The following ZNF318 variants were observed in gnomAD, a reference collection of about 807,000 sequenced individuals.
The protein encoded by ZNF318 is endocrine regulator.
ZNF318 carries 51 observed loss-of-function variants against 124.2 expected under a neutral mutation model. The observed-to-expected ratio is 0.41, with a 90% CI of 0.33 to 0.52. ZNF318 has a LOEUF of 0.52. Ranked by LOEUF, ZNF318 falls within the 20% of genes least tolerant of loss-of-function variation. The pLI is 0.23. For missense variants in ZNF318, 2,815 were observed against 2,811.2 expected (o/e 1.00, Z -0.03); for synonymous variants, 1,090 against 1,040.7 (o/e 1.05, Z -0.91).
chr6:43,369,491 A>T lies in ZNF318; in HGVS notation c.-126T>A, dbSNP rs1385490057. The T allele has an allele frequency of 2.7e-6, 2 of 744,576 alleles. No individual in the cohort carries two copies. The highest frequency in any genetic ancestry group is 3.4e-6 in the Non-Finnish European group (2 of 592,486). The allele number at this position is 744,576 out of a possible 1,614,324, so 46.1% of individuals were successfully genotyped here. A position where few individuals can be genotyped will look rare whatever the true frequency, so the allele number is the denominator to read the frequency against. ...CGCTGCGCGCCGCCTCAGCCGCGGG[A>T]GCAGCCCCCTCCCCTCGGCCCCGCG... On this transcript the variant is annotated 5_prime_UTR_variant, in exon 1 of 10. Coordinates refer to ENST00000361428, the MANE Select transcript of ZNF318 (RefSeq NM_014345.3).
chr6:43,348,503 C>G lies in ZNF318; in HGVS notation c.2893G>C (p.Glu965Gln), dbSNP rs1779479757. 1 of 1,614,160 alleles carries G rather than the reference C, an allele frequency of 6.2e-7. No homozygotes were observed. Among genetic ancestry groups the G allele is most frequent in the African/African-American group, 1.3e-5 (1 of 75,030 alleles). ...AGTTCAGATTGCTTCTTTTCTGCCT[C>G]TTCTGCCTCTTGCCGTAGCTCTGCA... Reference protein sequence around the residue: ...DIAELRQEAEEAEKKQSELDK... With the variant: ...DIAELRQEAEQAEKKQSELDK... Residue 965 changes from glutamate to glutamine, a missense_variant, in exon 6 of 10, where the codon GAG (glutamate) becomes CAG (glutamine). Glu to Gln is a conservative substitution (Grantham distance 29, BLOSUM62 2). Around this residue, in one of 4 missense-constraint regions of ZNF318, gnomAD observed 1,377 missense variants for 1,353.5 expected, o/e 1.02. Coordinates refer to ENST00000361428, the MANE Select transcript of ZNF318 (RefSeq NM_014345.3).
intron 6 of ZNF318, among the ~76,000 whole-genome samples, chr6:43,346,435 T>C (rs1190595849): frequency 6.7e-6 from 1 of 149,936 alleles, no homozygotes; most frequent in Non-Finnish European, 1.5e-5. Context: ...GAGCCGAGAT[T>C]GCGCCACTGC....
intron 1 of ZNF318, 86 bp from the exon 2 acceptor site, chr6:43,365,526 G>C (rs1156857306): frequency 1.4e-6 from 2 of 1,426,440 alleles, no homozygotes; most frequent in Admixed American, 3.7e-5. Flanking sequence ...TACAAAGTTA[G>C]CCAGGCATGG....
chr6:43,339,396 C>T lies in ZNF318; in HGVS notation c.4602G>A (p.Val1534=), dbSNP rs1335035189. The T allele has an allele frequency of 3.7e-6, 6 of 1,612,718 alleles. No homozygotes were observed. The highest frequency in any genetic ancestry group is 4.2e-6 in the Non-Finnish European group (5 of 1,179,672). ...ESDRDQTLFS[V]LVRPPPPLSS... ...AGAGGGGTGGTGGAGGACGTACTAACACAGAGAACAGGGTCTGGTCTCGGT... is the reference window on the plus strand; with the variant it reads ...AGAGGGGTGGTGGAGGACGTACTAATACAGAGAACAGGGTCTGGTCTCGGT... Residue 1534 remains valine (V), a synonymous_variant, in exon 10 of 10, where the codon GTG becomes GTA. Transcript: ENST00000361428. The surrounding 1 kb of genome is among the most constrained non-coding windows in gnomAD (Gnocchi z 4.2).
rs2150747660 is a variant in ZNF318, at chr6:43,337,316, C to T, written c.6682G>A (p.Asp2228Asn). ...ACCAAATTCAGAGGGTCGCCACTGT[C>T]ATCATCTACTTGCAGAATTGCCACC... ...TEVAILQVDDDSGDPLNLVKA... is the reference protein window; with the variant it reads ...TEVAILQVDDNSGDPLNLVKA... The change falls in exon 10 of 10, where the codon GAC (aspartate) becomes AAC (asparagine). Residue 2228 changes from aspartate to asparagine, a missense_variant. Coordinates refer to ENST00000361428, the MANE Select transcript of ZNF318 (RefSeq NM_014345.3). 1.9e-6 allele frequency: 3 copies of T among 1,614,184 alleles called. No homozygotes were observed. Among genetic ancestry groups the T allele is most frequent in the Non-Finnish European group, 2.5e-6 (3 of 1,180,024 alleles).
At chr6:43,343,048 CAT>C (rs1779392433) in intron 6 of ZNF318, among the ~76,000 whole-genome samples, 169 bp from the exon 7 acceptor site, 1 of 152,166 alleles carries the variant, frequency 6.6e-6, no homozygotes, top group Admixed American at 6.5e-5. Context: ...GTCTCTAAGA[CAT>C]AGAACTATTT....
rs759327720 is a variant in ZNF318 at position 43,340,030 on chromosome 6, T to C, written c.3968A>G (p.Lys1323Arg). The change falls in exon 10 of 10, where the codon AAG becomes AGG. Residue 1323 changes from lysine (K) to arginine (R), a missense_variant. By Grantham distance (26) the Lys-to-Arg change is conservative (BLOSUM62 2). Around this residue, in one of 4 missense-constraint regions of ZNF318, gnomAD observed 500 missense variants for 605.2 expected, o/e 0.83. Transcript: ENST00000361428. ...EAGKAKPIKI[K>R]LSGKTVVAHT... Reference sequence around the variant, plus strand: ...TGCAACAACAGTTTTCCCAGAGAGCTTGATTTTGATAGGCTTTGCCTTCCC... The same window carrying C: ...TGCAACAACAGTTTTCCCAGAGAGCCTGATTTTGATAGGCTTTGCCTTCCC... The C allele has an allele frequency of 2.2e-5, 35 of 1,614,082 alleles. No individual in the cohort carries two copies. Among genetic ancestry groups the C allele is most frequent in the Non-Finnish European group, 2.8e-5 (33 of 1,180,034 alleles).
At chr6:43,367,174 C>T (rs1779773388) in intron 1 of ZNF318, among the ~76,000 whole-genome samples, 1 of 152,164 alleles carries the variant, frequency 6.6e-6, no homozygotes, top group South Asian at 2.1e-4. Context: ...CTTAGTCCTT[C>T]TTAGTACTTA....
chr6:43,351,526 C>T (rs972578906), intron 5 of ZNF318, among the ~76,000 whole-genome samples: 1 of 151,830 alleles, frequency 6.6e-6, no homozygotes, highest in African/African-American at 2.4e-5. Context: ...TCTGGGAGGC[C>T]GAGGAAGGAG....
Position 43,341,016 on chromosome 6 carries a change from G to C in ZNF318, c.3377-108C>G. 3.8e-6 allele frequency: 3 copies of C among 784,654 alleles called. No individual in the cohort carries two copies. The Admixed American group carries it at 6.2e-5, about 16-fold the overall frequency. The allele number at this position is 784,654 out of a possible 1,614,324, so 48.6% of individuals were successfully genotyped here. On this transcript the variant is annotated intron_variant, in intron 8 of 9. Coordinates refer to ENST00000361428, the MANE Select transcript of ZNF318 (RefSeq NM_014345.3). ...TGCAGTAAAATGGTTACAGTATAGA[G>C]GGCCTTACCCACTTTGAAGTCAGAA...
intron 1 of ZNF318, 94 bp from the exon 2 acceptor site, chr6:43,365,534 TGG>T (rs2150758290): frequency 7.5e-7 from 1 of 1,324,952 alleles, no homozygotes; most frequent in South Asian, 1.3e-5. Flanking sequence ...TAGCCAGGCA[TGG>T]TGGCTCATGC....
chr6:43,337,171 C>T lies in ZNF318; in HGVS notation c.6827G>A (p.Ser2276Asn). The change falls in exon 10 of 10, where the codon AGT becomes AAT. Residue 2276 changes from serine to asparagine, a missense_variant. Transcript: ENST00000361428. ...VGAIQDHTES[S>N]VHN The stretch of plus-strand genomic sequence containing the variant: ...AGGTATTTATTCTTAGTTGTGAACA[C>T]TGGATTCTGTGTGGTCCTGGATGGC... 6.3e-7 allele frequency: 1 copy of T among 1,591,992 alleles called. No homozygotes were observed. Among genetic ancestry groups the T allele is most frequent in the Non-Finnish European group, 8.6e-7 (1 of 1,168,782 alleles).
chr6:43,352,523 C>G, intron 4 of ZNF318, 47 bp from the exon 5 acceptor site: 2 of 1,537,460 alleles, frequency 1.3e-6, no homozygotes, highest in Non-Finnish European at 1.8e-6. Context: ...CCAACATTCT[C>G]TTTTCTATTT....
rs1779746084 is a variant in ZNF318 at position 43,365,368 on chromosome 6, A to T, written c.472T>A (p.Cys158Ser). The T allele has an allele frequency of 3.1e-6, 5 of 1,614,232 alleles. No homozygotes were observed. The highest frequency in any genetic ancestry group is 4.2e-6 in the Non-Finnish European group (5 of 1,180,036). ...CGTCGCCGTTCTGGTGTGCTAACAC[A>T]GAAGTGGTCATTGCCAACAGTGATC... The part of the protein sequence containing the change: ...LRITVGNDHF[C>S]VSTPERRRLS... The change falls in exon 2 of 10, where the codon TGT becomes AGT. Residue 158 changes from cysteine to serine, a missense_variant. Coordinates refer to ENST00000361428, the MANE Select transcript of ZNF318 (RefSeq NM_014345.3).
rs749565013 is a variant in ZNF318, at chr6:43,339,966, T to C, written c.4032A>G (p.Thr1344=). 1.9e-6 allele frequency: 3 copies of C among 1,614,154 alleles called. No individual in the cohort carries two copies. The highest frequency in any genetic ancestry group is 4.5e-5 in the East Asian group (2 of 44,876). Residue 1344 remains threonine, a synonymous_variant, in exon 10 of 10, where the codon ACA becomes ACG. Transcript: ENST00000361428. The surrounding 1 kb of genome is among the most constrained non-coding windows in gnomAD (Gnocchi z 4.2). ...SPWMPVVTTS[T]QTKIRPNLPI... ...GCAGGTTGGGTCGGATCTTAGTCTG[T>C]GTGGAAGTTGTCACAACAGGCATCC...
At position 43,357,681 on chromosome 6, in the gene ZNF318, C is replaced by T; in HGVS notation, c.633G>A (p.Gly211=). Residue 211 remains glycine (G), a synonymous_variant, in exon 3 of 10, where the codon GGG becomes GGA. Coordinates refer to ENST00000361428, the MANE Select transcript of ZNF318 (RefSeq NM_014345.3). ...GLERYISQEE[G]PLSPFLGQLD... ...GTTGTCCCAAGAAGGGACTGAGAGG[C>T]CCTTCCTCCTGGGAAATATATCGCT... 6.2e-7 allele frequency: 1 copy of T among 1,613,284 alleles called. No individual in the cohort carries two copies. Among genetic ancestry groups the T allele is most frequent in the South Asian group, 1.1e-5 (1 of 91,066 alleles).
At chr6:43,360,672 G>A (rs1053500904) in intron 2 of ZNF318, among the ~76,000 whole-genome samples, 9 of 152,100 alleles carry the variant, frequency 5.9e-5, no homozygotes, top group African/African-American at 2.2e-4. Context: ...TTGCCAAAAA[G>A]TGAAAAGAAT....
intron 6 of ZNF318, among the ~76,000 whole-genome samples, chr6:43,345,850 T>C (rs1326289260): frequency 6.6e-6 from 1 of 152,162 alleles, no homozygotes; most frequent in African/African-American, 2.4e-5. Flanking sequence ...CTCACATCTG[T>C]AATACTAGCA....
intron 5 of ZNF318, among the ~76,000 whole-genome samples, chr6:43,351,798 C>T (rs962675134): frequency 1.3e-5 from 2 of 151,404 alleles, no homozygotes; most frequent in African/African-American, 2.4e-5. Flanking sequence ...TACACACACA[C>T]ATACACACAA....
Sources: gnomAD v4.1 joint callset for allele counts (sites outside exome capture counted in the v4.1 genomes callset) on GRCh38, gnomAD v4.1.1 for gene constraint, gnomAD v4.1.1 regional missense constraint, Gnocchi (gnomAD v3.1) non-coding constraint, MANE v1.5 for transcripts, NCBI Gene and HGNC (gene_info 2026-07-23, HGNC 2026-07-21) for gene names.